Variants in SLC25A13 observed in about 807,000 individuals in gnomAD.
SLC25A13 encodes electrogenic aspartate/glutamate antiporter SLC25A13, mitochondrial.
Under a neutral mutation model 85.5 loss-of-function variants are expected in SLC25A13, and 70 were observed. The observed-to-expected ratio is 0.82, with a 90% confidence interval of 0.68 to 1.00. The LOEUF is 1.00. Among genes scored for constraint, SLC25A13 ranks in the 50% least tolerant of loss-of-function variants. The probability of loss-of-function intolerance (pLI) is 0.00; values close to 1 mark genes in which losing one functional copy is unlikely to be tolerated. For synonymous variants in SLC25A13, 259 were observed against 288.7 expected, an observed-to-expected ratio of 0.90 and a Z score of 1.04; for missense variants, 765 against 819.8, an observed-to-expected ratio of 0.93 and a Z score of 0.82.
intron 13 of SLC25A13, among the ~76,000 whole-genome samples, chr7:96,152,408 T>A (rs1793087272): frequency 6.6e-6 from 1 of 151,916 alleles, no homozygotes; most frequent in Non-Finnish European, 1.5e-5. Context: ...GCCGACTAGG[T>A]GAGTGATAAA....
intron 3 of SLC25A13, among the ~76,000 whole-genome samples, chr7:96,274,849 T>C (rs1168178171): frequency 6.6e-6 from 1 of 152,202 alleles, no homozygotes; most frequent in Non-Finnish European, 1.5e-5. Flanking sequence ...GGGGGCTCTG[T>C]TCTGTTCCAT....
intron 14 of SLC25A13, among the ~76,000 whole-genome samples, chr7:96,144,814 A>G (rs1792711161): frequency 6.6e-6 from 1 of 152,192 alleles, no homozygotes; most frequent in African/African-American, 2.4e-5. Context: ...AGGTAGTTTA[A>G]CAGTCTCTGT....
At chr7:96,155,472 G>C (rs1456811821) in intron 13 of SLC25A13, among the ~76,000 whole-genome samples, 2 of 152,100 alleles carry the variant, frequency 1.3e-5, no homozygotes, top group South Asian at 4.2e-4. Flanking sequence ...CCCTTTATAG[G>C]ACCTGAAGGC....
At chr7:96,172,907 T>C (rs1584408443) in intron 11 of SLC25A13, among the ~76,000 whole-genome samples, 1 of 152,004 alleles carries the variant, frequency 6.6e-6, no homozygotes, top group African/African-American at 2.4e-5. Context: ...TATAGGCGCC[T>C]GCCACCACGC....
At chr7:96,213,864 A>G (rs1218147438) in intron 4 of SLC25A13, among the ~76,000 whole-genome samples, 1 of 152,202 alleles carries the variant, frequency 6.6e-6, no homozygotes, top group Non-Finnish European at 1.5e-5. Context: ...TTGGATATAT[A>G]AAGTCATATT....
At chr7:96,321,839 G>T (rs1800358680) in intron 1 of SLC25A13, 103 bp downstream of exon 1, 17 of 1,383,456 alleles carry the variant, frequency 1.2e-5, no homozygotes, top group Non-Finnish European at 1.5e-5. Context: ...ACCCCATTTT[G>T]CTCCGCCTGT....
chr7:96,267,241 G>A (rs974965998), intron 3 of SLC25A13, among the ~76,000 whole-genome samples: 6 of 152,052 alleles, frequency 3.9e-5, no homozygotes, highest in African/African-American at 7.2e-5. Flanking sequence ...ATTTCATCAC[G>A]ACAGCCTCAC....
chr7:96,295,637 C>T (rs2116991529), intron 2 of SLC25A13, among the ~76,000 whole-genome samples: 1 of 152,162 alleles, frequency 6.6e-6, no homozygotes, highest in Non-Finnish European at 1.5e-5. Context: ...TATCAAATAT[C>T]CTGTCCATGT....
chr7:96,130,936 T>C (rs1792002570), intron 15 of SLC25A13, among the ~76,000 whole-genome samples: 1 of 152,110 alleles, frequency 6.6e-6, no homozygotes, highest in African/African-American at 2.4e-5. Flanking sequence ...AAACAACTTC[T>C]CAAAGCTGGG....
chr7:96,174,193 T>A (rs1466481566), intron 11 of SLC25A13, among the ~76,000 whole-genome samples: 2 of 152,214 alleles, frequency 1.3e-5, no homozygotes, highest in Non-Finnish European at 2.9e-5. Context: ...TGCTCTTGGA[T>A]CTGAGATTTC....
chr7:96,227,583 A>G (rs963823878), intron 4 of SLC25A13, among the ~76,000 whole-genome samples: 1 of 152,232 alleles, frequency 6.6e-6, no homozygotes, highest in Non-Finnish European at 1.5e-5. Context: ...ATATACAATA[A>G]TGTAAAAAGA....
At chr7:96,122,565 G>T (rs1285029581) in intron 15 of SLC25A13, among the ~76,000 whole-genome samples, 1 of 152,088 alleles carries the variant, frequency 6.6e-6, no homozygotes, top group Non-Finnish European at 1.5e-5. Flanking sequence ...TGTGTTGGGG[G>T]GTGGGAGGTG....
intron 3 of SLC25A13, among the ~76,000 whole-genome samples, chr7:96,267,006 T>A (rs987944671): frequency 6.6e-6 from 1 of 152,252 alleles, no homozygotes; most frequent in Admixed American, 6.5e-5. Context: ...CTATAGTTTA[T>A]GAATTTTAGA....
chr7:96,132,822 C>T (rs1193925792), intron 14 of SLC25A13, among the ~76,000 whole-genome samples: 1 of 152,146 alleles, frequency 6.6e-6, no homozygotes, highest in Non-Finnish European at 1.5e-5. Context: ...GATCTAGCCA[C>T]ACCCAGTGAC....
chr7:96,266,432 T>C (rs1798045579), intron 3 of SLC25A13, among the ~76,000 whole-genome samples: 1 of 152,132 alleles, frequency 6.6e-6, no homozygotes, highest in Non-Finnish European at 1.5e-5. Flanking sequence ...CAACCTCCCT[T>C]TTCCCTCCAG....
intron 3 of SLC25A13, among the ~76,000 whole-genome samples, chr7:96,259,956 A>G (rs1235619696): frequency 6.6e-6 from 1 of 151,998 alleles, no homozygotes; most frequent in Non-Finnish European, 1.5e-5. Flanking sequence ...ACATAGGAAC[A>G]GCAAACCAAA....
chr7:96,271,782 TA>T (rs1562892682), intron 3 of SLC25A13, among the ~76,000 whole-genome samples: 3 of 152,108 alleles, frequency 2.0e-5, no homozygotes, highest in African/African-American at 4.8e-5. Context: ...ATTATATGTT[TA>T]AAAAAAGAAA....
chr7:96,209,869 T>C (rs1036773223), intron 4 of SLC25A13, among the ~76,000 whole-genome samples: 1 of 152,198 alleles, frequency 6.6e-6, no homozygotes, highest in Non-Finnish European at 1.5e-5. Context: ...ATTAATAATT[T>C]TTCCTGGCTT....
At chr7:96,306,239 C>T (rs891813866) in intron 1 of SLC25A13, among the ~76,000 whole-genome samples, 7 of 152,220 alleles carry the variant, frequency 4.6e-5, no homozygotes, top group African/African-American at 1.7e-4. Flanking sequence ...CAGTATTGAG[C>T]AGGCAAGAGA....
Sources: allele counts gnomAD v4.1 joint callset (sites outside exome capture counted in the v4.1 genomes callset), GRCh38; gene constraint gnomAD v4.1.1; transcripts MANE v1.5; gene names NCBI Gene and HGNC (gene_info 2026-07-23, HGNC 2026-07-21).